The following ABTB3 variants were observed in gnomAD, a reference collection of about 807,000 sequenced individuals.
ABTB3 encodes ankyrin repeat- and BTB/POZ domain-containing protein 3.
chr12:107,649,317 G>T, the ABTB3 span: 11 of 1,557,798 alleles, frequency 7.1e-6, no homozygotes, highest in Non-Finnish European at 9.7e-6. Flanking sequence ...GGTCCCTTGG[G>T]TGAGTGGCAC....
the ABTB3 span, among the ~76,000 whole-genome samples, chr12:107,530,359 C>G: frequency 6.6e-6 from 1 of 152,156 alleles, no homozygotes; most frequent in Non-Finnish European, 1.5e-5. Context: ...CGTCTTCCAC[C>G]CTCAACCTAG....
At chr12:107,445,880 C>T in the ABTB3 span, among the ~76,000 whole-genome samples, 1 of 140,590 alleles carries the variant, frequency 7.1e-6, no homozygotes, top group Non-Finnish European at 1.5e-5. Context: ...CCCCTCTCCC[C>T]TCTCCCCTCT....
chr12:107,620,891 G>GC, the ABTB3 span, among the ~76,000 whole-genome samples: 4 of 152,190 alleles, frequency 2.6e-5, no homozygotes, highest in African/African-American at 9.7e-5. Context: ...TCCCTGCAGG[G>GC]CCCCAGCACC....
chr12:107,394,477 C>A, the ABTB3 span, among the ~76,000 whole-genome samples: 1 of 152,120 alleles, frequency 6.6e-6, no homozygotes, highest in East Asian at 1.9e-4. Flanking sequence ...GCTTTAAGAC[C>A]AGTTGAAGCT....
chr12:107,633,460 TA>T, the ABTB3 span, among the ~76,000 whole-genome samples: 10 of 152,210 alleles, frequency 6.6e-5, no homozygotes, highest in African/African-American at 2.4e-4. Flanking sequence ...TTTTGCCATG[TA>T]AAGTAACGTG....
the ABTB3 span, among the ~76,000 whole-genome samples, chr12:107,406,322 T>C: frequency 6.6e-6 from 1 of 152,206 alleles, no homozygotes; most frequent in South Asian, 2.1e-4. Context: ...CCCAGCTATT[T>C]GGGAGGCTGA....
At chr12:107,647,394 A>C in the ABTB3 span, among the ~76,000 whole-genome samples, 1 of 152,124 alleles carries the variant, frequency 6.6e-6, no homozygotes, top group Non-Finnish European at 1.5e-5. Flanking sequence ...AGTCCTAGCT[A>C]CTTGGGAGGC....
the ABTB3 span, among the ~76,000 whole-genome samples, chr12:107,440,295 C>T: frequency 2.0e-5 from 3 of 152,230 alleles, no homozygotes; most frequent in Non-Finnish European, 4.4e-5. Context: ...TCCACACAGC[C>T]ACAGGGACCT....
chr12:107,649,340 G>A, the ABTB3 span: 36 of 1,439,914 alleles, frequency 2.5e-5, no homozygotes, highest in East Asian at 3.9e-4. Flanking sequence ...CTGTAAACTC[G>A]GGTCACCAGC....
chr12:107,573,404 G>A, the ABTB3 span, among the ~76,000 whole-genome samples: 1 of 152,152 alleles, frequency 6.6e-6, no homozygotes, highest in African/African-American at 2.4e-5. Flanking sequence ...GAGATTGGAC[G>A]GATGGATGGA....
At chr12:107,343,332 T>C in the ABTB3 span, among the ~76,000 whole-genome samples, 4 of 152,046 alleles carry the variant, frequency 2.6e-5, no homozygotes, top group African/African-American at 4.8e-5. Context: ...TTCTTTTGTA[T>C]CTCTTTCCTG....
At chr12:107,518,744 A>G in the ABTB3 span, among the ~76,000 whole-genome samples, 2 of 152,200 alleles carry the variant, frequency 1.3e-5, no homozygotes, top group Non-Finnish European at 2.9e-5. Context: ...TAGAACTTAA[A>G]GTATAATAAT....
At chr12:107,510,003 C>G in the ABTB3 span, among the ~76,000 whole-genome samples, 1 of 152,156 alleles carries the variant, frequency 6.6e-6, no homozygotes, top group Admixed American at 6.5e-5. Flanking sequence ...AGCCTCCCAG[C>G]CATGCTAGGG....
At chr12:107,517,179 G>T in the ABTB3 span, among the ~76,000 whole-genome samples, 1 of 152,134 alleles carries the variant, frequency 6.6e-6, no homozygotes, top group African/African-American at 2.4e-5. Flanking sequence ...GATGGTTGTA[G>T]ATGTGTGGTA....
At chr12:107,374,782 G>C in the ABTB3 span, 1 of 156,826 alleles carries the variant, frequency 6.4e-6, no homozygotes, top group Admixed American at 6.4e-5. Flanking sequence ...TGTGTTTGTA[G>C]GGACATCTGA....
chr12:107,437,381 T>C, the ABTB3 span, among the ~76,000 whole-genome samples: 1 of 141,724 alleles, frequency 7.1e-6, no homozygotes, highest in African/African-American at 2.7e-5. Context: ...AATCTCCCTC[T>C]GCTTTTCTTT....
chr12:107,466,935 AC>A, the ABTB3 span, among the ~76,000 whole-genome samples: 1 of 152,182 alleles, frequency 6.6e-6, no homozygotes, highest in African/African-American at 2.4e-5. Flanking sequence ...CAGCATGTTC[AC>A]CATATCGTCT....
the ABTB3 span, among the ~76,000 whole-genome samples, chr12:107,470,442 G>A: frequency 6.6e-6 from 1 of 152,066 alleles, no homozygotes; most frequent in Non-Finnish European, 1.5e-5. Context: ...GGGGTCCCAG[G>A]GAACATTGAG....
At chr12:107,611,675 G>A in the ABTB3 span, among the ~76,000 whole-genome samples, 8 of 152,134 alleles carry the variant, frequency 5.3e-5, no homozygotes, top group South Asian at 8.3e-4. Context: ...TGCAAATAGT[G>A]GCTCAAACAC....
Sources: allele counts gnomAD v4.1 joint callset (sites outside exome capture counted in the v4.1 genomes callset), GRCh38; gene constraint gnomAD v4.1.1; transcripts MANE v1.5; gene names NCBI Gene and HGNC (gene_info 2026-07-23, HGNC 2026-07-21).